Variants in SHANK2 observed in about 807,000 individuals in gnomAD.
The protein encoded by SHANK2 is SH3 and multiple ankyrin repeat domains protein 2.
In SHANK2, 43 loss-of-function variants were observed where a neutral mutation model predicts 133.7. That is an observed-to-expected ratio of 0.32 (90% CI 0.25 to 0.41). The LOEUF (loss-of-function observed/expected upper bound fraction) is 0.41, where lower values mean the gene tolerates loss of function less well. SHANK2 is among the 10% of genes least tolerant of loss of function. The pLI is 1.00. For missense variants in SHANK2, 1,994 were observed against 2,235.8 expected, an observed-to-expected ratio of 0.89 and a Z score of 2.18; for synonymous variants, 1,017 against 952.8, an observed-to-expected ratio of 1.07 and a Z score of -1.24.
In SHANK2 at chr11:70,469,965, G is replaced by A. The variant is rs1245063672; in HGVS notation, c.*2904C>T. 3 of 152,600 alleles carry A rather than the reference G, an allele frequency of 2.0e-5. No individual in the cohort carries two copies. The highest frequency in any genetic ancestry group is 7.2e-5 in the African/African-American group (3 of 41,442). The allele number at this position is 152,600 out of a possible 1,614,324, so 9.5% of individuals were successfully genotyped here. A position where few individuals can be genotyped will look rare whatever the true frequency, so the allele number is the denominator to read the frequency against. On this transcript the variant is annotated 3_prime_UTR_variant, in exon 26 of 26. Transcript: ENST00000601538. The stretch of plus-strand genomic sequence containing the variant: ...TATTACAGAAACTAGGCATGTAAAT[G>A]CAGTTTATTTAAATTACAGTATGTA...
At chr11:71,085,810 TTA>T (rs1247135107) in intron 8 of SHANK2, among the ~76,000 whole-genome samples, 16 of 48,312 alleles carry the variant, frequency 3.3e-4, no homozygotes, top group East Asian at 1.8e-3. Context: ...ACATAATATA[TTA>T]TGTTATATTA....
intron 12 of SHANK2, 42 bp downstream of exon 12, chr11:70,820,322 C>A (rs782561625): frequency 8.4e-6 from 5 of 598,202 alleles, no homozygotes; most frequent in African/African-American, 7.6e-5. Context: ...GGACCCCCAG[C>A]ACGTGGCGGT....
At chr11:71,229,765 G>GAAAAAAAAAAAAAAAAA (rs55730780) in intron 1 of SHANK2, among the ~76,000 whole-genome samples, 6 of 116,526 alleles carry the variant, frequency 5.1e-5, no homozygotes, top group Non-Finnish European at 7.5e-5. Context: ...TCTCAAAAAA[G>GAAAAAAAAAAAAAAAAA]AAAAAAAAAA....
chr11:70,540,169 G>A (rs1455398700), intron 17 of SHANK2, among the ~76,000 whole-genome samples: 1 of 152,170 alleles, frequency 6.6e-6, no homozygotes, highest in Admixed American at 6.5e-5. Context: ...GGGCTTCAAC[G>A]TAAGAATCCA....
At chr11:71,079,466 A>C (rs1951263336) in intron 8 of SHANK2, among the ~76,000 whole-genome samples, 4 of 152,158 alleles carry the variant, frequency 2.6e-5, no homozygotes, top group Admixed American at 2.6e-4. Flanking sequence ...CAATTTTAAA[A>C]AGAAAGTTAA....
chr11:70,830,274 G>A lies in SHANK2; in HGVS notation c.1175-9592C>T, dbSNP rs564922727. On this transcript the variant is annotated intron_variant, in intron 11 of 25. Transcript: ENST00000601538. This position sits in a 1 kb window ranked among gnomAD's most constrained non-coding sequence, Gnocchi z 4.4. Reference sequence around the variant, plus strand: ...TGCCCCTCGTTTTATGAGCATGTCCGTGGCCTGAAGCCTGCCCTGCCTGCC... The same window carrying A: ...TGCCCCTCGTTTTATGAGCATGTCCATGGCCTGAAGCCTGCCCTGCCTGCC... 1.4e-4 allele frequency among the ~76,000 whole-genome samples: 22 copies of A among 152,284 alleles called. No individual in the cohort carries two copies. The highest frequency in any genetic ancestry group is 5.3e-4 in the African/African-American group (22 of 41,538).
intron 14 of SHANK2, among the ~76,000 whole-genome samples, chr11:70,699,820 T>G (rs1235686952): frequency 6.6e-6 from 1 of 152,206 alleles, no homozygotes; most frequent in Non-Finnish European, 1.5e-5. Flanking sequence ...AGGCAGGTGT[T>G]GAGCCCAGGA....
intron 14 of SHANK2, among the ~76,000 whole-genome samples, chr11:70,770,076 G>T (rs552741421): frequency 4.9e-4 from 74 of 152,298 alleles, no homozygotes; most frequent in African/African-American, 1.8e-3. Flanking sequence ...GGGCCCTCTG[G>T]CTCCCTCTGA....
intron 10 of SHANK2, among the ~76,000 whole-genome samples, chr11:70,897,707 G>A (rs782588298): frequency 3.9e-5 from 6 of 152,152 alleles, no homozygotes; most frequent in Non-Finnish European, 8.8e-5. Context: ...ATCTGGTAAG[G>A]TAGGGTGGGT....
At chr11:70,824,730 G>A (rs1396958525) in intron 11 of SHANK2, among the ~76,000 whole-genome samples, 1 of 152,178 alleles carries the variant, frequency 6.6e-6, no homozygotes, top group African/African-American at 2.4e-5. Flanking sequence ...ATCACTGAGT[G>A]TTTGCATGGA....
At chr11:71,107,485 GA>G (rs1174585942) in intron 6 of SHANK2, among the ~76,000 whole-genome samples, 2 of 152,254 alleles carry the variant, frequency 1.3e-5, no homozygotes, top group African/African-American at 2.4e-5. Context: ...GTCATCGTGG[GA>G]ATATTTCAGA....
chr11:71,169,820 T>C (rs2135503796), intron 2 of SHANK2, among the ~76,000 whole-genome samples: 1 of 151,108 alleles, frequency 6.6e-6, no homozygotes, highest in African/African-American at 2.4e-5. Flanking sequence ...ATCTCAGCGG[T>C]AGAACTGTGA....
intron 9 of SHANK2, among the ~76,000 whole-genome samples, chr11:71,073,167 T>TTTTTTTTTTTTTTTTTTTTTTTTTTTG (rs1951170859): frequency 1.1e-5 from 1 of 94,408 alleles, no homozygotes; most frequent in Admixed American, 1.5e-4. Flanking sequence ...TTTTTTTTCT[T>TTTTTTTTTTTTTTTTTTTTTTTTTTTG]TTTTTTTTTG....
intron 11 of SHANK2, among the ~76,000 whole-genome samples, chr11:70,870,741 C>T (rs1262960795): frequency 2.6e-5 from 4 of 152,172 alleles, no homozygotes; most frequent in South Asian, 2.1e-4. Flanking sequence ...AGGTTTGCTC[C>T]GAGTGCATGG....
At chr11:70,492,134 T>C (rs749044059) in intron 22 of SHANK2, among the ~76,000 whole-genome samples, 63 of 152,052 alleles carry the variant, frequency 4.1e-4, no homozygotes, top group Admixed American at 9.8e-4. Context: ...GGGCAGGGCT[T>C]GGATGCAGCC....
At chr11:71,115,836 T>G (rs1191957665) in intron 4 of SHANK2, among the ~76,000 whole-genome samples, 1 of 152,214 alleles carries the variant, frequency 6.6e-6, no homozygotes, top group African/African-American at 2.4e-5. Context: ...CTCTTCCTGG[T>G]CCATCACCTC....
chr11:70,536,553 G>A (rs1303781120), intron 17 of SHANK2, among the ~76,000 whole-genome samples: 2 of 152,120 alleles, frequency 1.3e-5, no homozygotes, highest in African/African-American at 4.8e-5. Flanking sequence ...CATGGCTGCG[G>A]TGGGCACAGG....
chr11:70,943,028 C>T (rs1341919012), intron 10 of SHANK2: 7 of 455,614 alleles, frequency 1.5e-5, no homozygotes, highest in African/African-American at 1.4e-4. Context: ...GAAAAGGTAC[C>T]CAGCAAGTAC....
chr11:70,867,116 T>TAAAAA (rs34341953), intron 11 of SHANK2, among the ~76,000 whole-genome samples: 27 of 137,912 alleles, frequency 2.0e-4, no homozygotes, highest in Admixed American at 1.2e-3. Context: ...TCGGTGTATT[T>TAAAAA]AAAAAAAAAA....
Sources: allele counts gnomAD v4.1 joint callset (sites outside exome capture counted in the v4.1 genomes callset), GRCh38; gene constraint gnomAD v4.1.1; non-coding constraint Gnocchi (gnomAD v3.1); transcripts MANE v1.5; gene names NCBI Gene and HGNC (gene_info 2026-07-23, HGNC 2026-07-21).